TSC22D2: variants seen among roughly 807,000 people sequenced by gnomAD.
TSC22D2 encodes the protein TSC22 domain family member 2.
In TSC22D2, 5 loss-of-function variants were observed where a neutral mutation model predicts 50.1. The observed-to-expected ratio is 0.10, with a 90% confidence interval of 0.05 to 0.21. The LOEUF (loss-of-function observed/expected upper bound fraction) is 0.21. Among genes scored for constraint, TSC22D2 ranks in the 10% least tolerant of loss-of-function variants. TSC22D2 has a pLI of 1.00. For missense variants in TSC22D2, 1,003 were observed against 1,015.5 expected (o/e 0.99, Z 0.17); for synonymous variants, 501 against 450.1 (o/e 1.11, Z -1.43).
chr3:150,413,503 A>G (rs1719668620), intron 1 of TSC22D2, among the ~76,000 whole-genome samples: 1 of 151,390 alleles, frequency 6.6e-6, no homozygotes. Flanking sequence ...CACTGGTCCA[A>G]CATACCTGGT....
At chr3:150,447,746 T>A (rs1012263736) in intron 1 of TSC22D2, among the ~76,000 whole-genome samples, 3 of 152,236 alleles carry the variant, frequency 2.0e-5, no homozygotes, top group African/African-American at 7.2e-5. Context: ...CAAGATTCTG[T>A]ATGCTTCAAT....
chr3:150,417,583 A>G (rs1719858880), intron 1 of TSC22D2, among the ~76,000 whole-genome samples: 1 of 152,148 alleles, frequency 6.6e-6, no homozygotes, highest in East Asian at 1.9e-4. Flanking sequence ...GTTGGTGTAG[A>G]TGCCTTGTTT....
chr3:150,417,966 T>G (rs1170976636), intron 1 of TSC22D2, among the ~76,000 whole-genome samples: 1 of 152,116 alleles, frequency 6.6e-6, no homozygotes, highest in Non-Finnish European at 1.5e-5. Context: ...GTTTTTCTTT[T>G]TTGAGACTTT....
At chr3:150,421,677 G>A (rs1255975676) in intron 1 of TSC22D2, among the ~76,000 whole-genome samples, 2 of 152,088 alleles carry the variant, frequency 1.3e-5, no homozygotes, top group Non-Finnish European at 2.9e-5. Context: ...TGGCATCTTG[G>A]AAGTCTTTTT....
rs186758471 is a variant in TSC22D2, at chr3:150,434,393, C to T, written c.1959-22683C>T. Among the ~76,000 whole-genome samples the T allele has an allele frequency of 2.1e-3, 318 of 152,254 alleles. 1 individual carries two copies. The highest frequency in any genetic ancestry group is 3.1e-3 in the South Asian group (15 of 4,828). Reference sequence around the variant, plus strand: ...CTGGCTTCAAGTGATCCACCCTGCCCTGACCTCTCAAAGTTCTGGGATTAC... The same window carrying T: ...CTGGCTTCAAGTGATCCACCCTGCCTTGACCTCTCAAAGTTCTGGGATTAC... On this transcript the variant is annotated intron_variant, in intron 1 of 2. Coordinates refer to ENST00000688009, the MANE Select transcript of TSC22D2 (RefSeq NM_001303264.2).
intron 1 of TSC22D2, among the ~76,000 whole-genome samples, chr3:150,415,065 A>T (rs536463639): frequency 2.7e-4 from 41 of 152,088 alleles, no homozygotes; most frequent in African/African-American, 7.2e-4. Flanking sequence ...ATAAAAACTG[A>T]TACTGATGTA....
At chr3:150,446,093 CAAAAAA>C (rs34550896) in intron 1 of TSC22D2, among the ~76,000 whole-genome samples, 1 of 104,074 alleles carries the variant, frequency 9.6e-6, no homozygotes. Context: ...GACTCCATCT[CAAAAAA>C]AAAAAAAAAA....
At chr3:150,435,646 A>G (rs1720514966) in intron 1 of TSC22D2, among the ~76,000 whole-genome samples, 1 of 152,202 alleles carries the variant, frequency 6.6e-6, no homozygotes, top group Non-Finnish European at 1.5e-5. Context: ...CCTGAAAACA[A>G]AATTTTCTAT....
chr3:150,415,330 G>T (rs1409253166), intron 1 of TSC22D2, among the ~76,000 whole-genome samples: 1 of 152,088 alleles, frequency 6.6e-6, no homozygotes. Context: ...AAAACATGAT[G>T]GCTTATATGT....
Position 150,464,163 on chromosome 3 carries a change from T to A in TSC22D2, c.*5527T>A, listed in dbSNP as rs899756270. ...TTTGCATGCCTACAATATTTCCATA[T>A]AACAACTGTAAAATACTCTTGCCTG... is the stretch of plus-strand genomic sequence containing the variant. On this transcript the variant is annotated 3_prime_UTR_variant, in exon 3 of 3. Transcript: ENST00000688009. The A allele has an allele frequency of 6.6e-6, 1 of 152,170 alleles. No individual in the cohort carries two copies. The highest frequency in any genetic ancestry group is 1.5e-5 in the Non-Finnish European group (1 of 68,028). The allele number at this position is 152,170 out of a possible 1,614,324, so 9.4% of individuals were successfully genotyped here. A position where few individuals can be genotyped will look rare whatever the true frequency, so the allele number is the denominator to read the frequency against.
Position 150,458,541 on chromosome 3 carries a change from G to A in TSC22D2, c.2176G>A (p.Ala726Thr), listed in dbSNP as rs1209265710. Residue 726 changes from alanine (A) to threonine (T), a missense_variant, in exon 3 of 3, where the codon GCC becomes ACC. Transcript: ENST00000688009. ...DQLSQLPTQQANPGSTSQQQA... is the reference protein window; with the variant it reads ...DQLSQLPTQQTNPGSTSQQQA... Reference sequence around the variant, plus strand: ...ATTATCCCAACTCCCAACCCAACAGGCCAATCCTGGTAGCACTTCTCAACA... The same window carrying A: ...ATTATCCCAACTCCCAACCCAACAGACCAATCCTGGTAGCACTTCTCAACA... 1.2e-6 allele frequency: 2 copies of A among 1,614,068 alleles called. No individual in the cohort carries two copies. Among genetic ancestry groups the A allele is most frequent in the Admixed American group, 1.7e-5 (1 of 60,008 alleles).
At chr3:150,455,558 T>C (rs1365144825) in intron 1 of TSC22D2, among the ~76,000 whole-genome samples, 1 of 152,208 alleles carries the variant, frequency 6.6e-6, no homozygotes, top group African/African-American at 2.4e-5. Flanking sequence ...GAAAGTCCAT[T>C]GAGGCATTGA....
rs531744746 is a variant in TSC22D2, at chr3:150,461,401, C to T, written c.*2765C>T. On this transcript the variant is annotated 3_prime_UTR_variant, in exon 3 of 3. Transcript: ENST00000688009. ...ACTGATTGAGATCCCAATTTGGAGG[C>T]ACAGTCTTACAGGAATGCCATCTAT... 6.6e-6 allele frequency: 1 copy of T among 152,304 alleles called. No homozygotes were observed. Among genetic ancestry groups the T allele is most frequent in the East Asian group, 1.9e-4 (1 of 5,190 alleles). 9.4% of individuals were successfully genotyped at this position (152,304 alleles called of 1,614,324 possible). A position where few individuals can be genotyped will look rare whatever the true frequency, so the allele number is the denominator to read the frequency against.
At chr3:150,424,828 G>C (rs1720127377) in intron 1 of TSC22D2, among the ~76,000 whole-genome samples, 1 of 152,200 alleles carries the variant, frequency 6.6e-6, no homozygotes, top group South Asian at 2.1e-4. Context: ...ATTCTTCACT[G>C]TAAGTTGGCC....
intron 1 of TSC22D2, among the ~76,000 whole-genome samples, chr3:150,429,748 T>C (rs1720323388): frequency 6.6e-6 from 1 of 152,146 alleles, no homozygotes; most frequent in Non-Finnish European, 1.5e-5. Flanking sequence ...AGTAAAGTAT[T>C]AGATGCCTGG....
chr3:150,434,794 G>GTA (rs1314097360), intron 1 of TSC22D2, among the ~76,000 whole-genome samples: 1 of 151,890 alleles, frequency 6.6e-6, no homozygotes, highest in Non-Finnish European at 1.5e-5. Context: ...TTATATATGT[G>GTA]TATATACATG....
intron 1 of TSC22D2, among the ~76,000 whole-genome samples, chr3:150,435,129 C>T (rs1022658313): frequency 6.6e-6 from 1 of 152,098 alleles, no homozygotes; most frequent in Non-Finnish European, 1.5e-5. Flanking sequence ...GGGCGCCCAC[C>T]ACCATGCCTG....
At chr3:150,448,485 A>AATTAT (rs1413108887) in intron 1 of TSC22D2, among the ~76,000 whole-genome samples, 7 of 152,156 alleles carry the variant, frequency 4.6e-5, no homozygotes, top group African/African-American at 1.7e-4. Context: ...CATCTCTATA[A>AATTAT]AAACAACAAC....
At position 150,436,834 on chromosome 3, in the gene TSC22D2, G is replaced by A. The variant is rs116799850; in HGVS notation, c.1959-20242G>A. Among the ~76,000 whole-genome samples, 858 of 152,330 alleles carry A rather than the reference G, an allele frequency of 5.6e-3. 11 individuals carry two copies. The highest frequency in any genetic ancestry group is 0.019 in the African/African-American group (807 of 41,582). On this transcript the variant is annotated intron_variant, in intron 1 of 2. Coordinates refer to ENST00000688009, the MANE Select transcript of TSC22D2 (RefSeq NM_001303264.2). ...CTACGTGAGAGACTTAAGTGACCATGTGTAATAGAAAAGTTCCACTGAAAG... is the reference window on the plus strand; with the variant it reads ...CTACGTGAGAGACTTAAGTGACCATATGTAATAGAAAAGTTCCACTGAAAG...
Sources: allele counts gnomAD v4.1 joint callset (sites outside exome capture counted in the v4.1 genomes callset), GRCh38; gene constraint gnomAD v4.1.1; transcripts MANE v1.5; gene names NCBI Gene and HGNC (gene_info 2026-07-23, HGNC 2026-07-21).